The following TRAP1 variants were observed in gnomAD, a reference collection of about 807,000 sequenced individuals.
TRAP1 encodes TNF receptor associated protein 1.
TRAP1 carries 102 observed loss-of-function variants against 89.1 expected under a neutral mutation model. The observed-to-expected ratio is 1.15, with a 90% CI of 0.98 to 1.35. TRAP1 has a LOEUF of 1.35. TRAP1 is among the 40% of genes most tolerant of loss of function. The pLI, the probability that TRAP1 is intolerant of heterozygous loss-of-function variation, is 0.00. For missense variants in TRAP1, 1,256 were observed against 945.3 expected (o/e 1.33, Z -4.31); for synonymous variants, 508 against 388.0 (o/e 1.31, Z -3.64).
chr16:3,671,724 G>A lies in TRAP1; in HGVS notation c.1233C>T (p.Ile411=), dbSNP rs373984996. The A allele has an allele frequency of 2.0e-5, 32 of 1,612,642 alleles. No individual in the cohort carries two copies. Among genetic ancestry groups the A allele is most frequent in the Non-Finnish European group, 2.6e-5 (31 of 1,180,020 alleles). The change falls in exon 11 of 18, where the codon ATC becomes ATT. Residue 411 remains isoleucine (I), a splice_region_variant and synonymous_variant. Coordinates refer to ENST00000246957, the MANE Select transcript of TRAP1 (RefSeq NM_016292.3). The stretch of plus-strand genomic sequence containing the variant: ...TCTCCCCGCGGCCCGAGGCTCACCT[G>A]ATGAGTGCGCTCTCCTGCAGCAGCT... The part of the protein sequence containing the change: ...SRELLQESAL[I]RKLRDVLQQR...
intron 4 of TRAP1, among the ~76,000 whole-genome samples, chr16:3,683,150 CAA>C (rs1393867253): frequency 6.6e-6 from 1 of 150,834 alleles, no homozygotes; most frequent in Non-Finnish European, 1.5e-5. Flanking sequence ...GCGTGGGCAA[CAA>C]GAGCAAAACC....
At chr16:3,714,182 G>C (rs1433530129) in intron 1 of TRAP1, among the ~76,000 whole-genome samples, 1 of 152,094 alleles carries the variant, frequency 6.6e-6, no homozygotes, top group Non-Finnish European at 1.5e-5. Flanking sequence ...CTAATGTGCT[G>C]TCCAGGCCAC....
intron 16 of TRAP1, 119 bp downstream of exon 16, chr16:3,661,868 C>T: frequency 7.6e-7 from 1 of 1,310,210 alleles, no homozygotes; most frequent in Non-Finnish European, 1.0e-6. Flanking sequence ...CTTATAGTTA[C>T]CCACATGTCC....
At chr16:3,708,141 C>G (rs565952689) in intron 1 of TRAP1, among the ~76,000 whole-genome samples, 2 of 151,428 alleles carry the variant, frequency 1.3e-5, no homozygotes, top group Non-Finnish European at 2.9e-5. Context: ...AGGCCTGCAG[C>G]GAGCCAGGAT....
chr16:3,703,939 C>T (rs568371929), intron 1 of TRAP1, among the ~76,000 whole-genome samples: 3 of 149,294 alleles, frequency 2.0e-5, no homozygotes, highest in South Asian at 2.1e-4. Flanking sequence ...GGAGTGAACG[C>T]GGGAGGCGGA....
chr16:3,660,756 C>G (rs1416944830), intron 16 of TRAP1: 1 of 152,072 alleles, frequency 6.6e-6, no homozygotes, highest in Non-Finnish European at 1.5e-5. Flanking sequence ...TAGACATGTA[C>G]TAAAGAACAA....
intron 12 of TRAP1, 41 bp downstream of exon 12, chr16:3,665,930 C>T (rs751448369): frequency 4.4e-6 from 7 of 1,593,180 alleles, no homozygotes; most frequent in African/African-American, 1.4e-5. Flanking sequence ...GCCCCAGGGA[C>T]AAGGTGGCCC....
In TRAP1 at chr16:3,675,462, C is replaced by CAGCTCCAGGATG. The variant is rs2050977139; in HGVS notation, c.815-77_815-66dup. ...GCTTGTGGAAACGCAAGCTTTGCAG[C>CAGCTCCAGGATG]AGCTCCAGGATGAGCGCCAGCCTGC... On this transcript the variant is annotated intron_variant, in intron 7 of 17. Transcript: ENST00000246957. 3.9e-6 allele frequency: 6 copies of CAGCTCCAGGATG among 1,528,850 alleles called. No homozygotes were observed. In the South Asian group the frequency reaches 6.8e-5, roughly 17 times the overall value. The allele number at this position is 1,528,850 out of a possible 1,614,324, so 94.7% of individuals were successfully genotyped here.
At chr16:3,692,333 C>T (rs982287098) in intron 1 of TRAP1, among the ~76,000 whole-genome samples, 3 of 151,930 alleles carry the variant, frequency 2.0e-5, no homozygotes, top group Non-Finnish European at 4.4e-5. Flanking sequence ...GTCAGGAGTT[C>T]GAGACCAGCC....
chr16:3,713,985 A>G lies in TRAP1; in HGVS notation c.88+3436T>C, dbSNP rs2051565049. On this transcript the variant is annotated intron_variant, in intron 1 of 17. Coordinates refer to ENST00000246957, the MANE Select transcript of TRAP1 (RefSeq NM_016292.3). ...ACAACTGCTAGCCTCATTCACCATCACTCCTGCACACTCCCGCAAGTCTTT... is the reference window on the plus strand; with the variant it reads ...ACAACTGCTAGCCTCATTCACCATCGCTCCTGCACACTCCCGCAAGTCTTT... 2.0e-5 allele frequency among the ~76,000 whole-genome samples: 3 copies of G among 151,426 alleles called. No individual in the cohort carries two copies. The South Asian group carries it at 6.2e-4, about 31-fold the overall frequency.
chr16:3,676,182 T>C (rs200481794), intron 6 of TRAP1, 37 bp from the exon 7 acceptor site: 6 of 1,586,880 alleles, frequency 3.8e-6, no homozygotes, highest in Non-Finnish European at 5.2e-6. Context: ...CAGGTGGATG[T>C]GACACTGGGA....
chr16:3,707,759 C>T (rs2051469298), intron 1 of TRAP1, among the ~76,000 whole-genome samples: 1 of 150,198 alleles, frequency 6.7e-6, no homozygotes, highest in Non-Finnish European at 1.5e-5. Context: ...GAGGCTGAGG[C>T]AGGAGACTTG....
intron 9 of TRAP1, among the ~76,000 whole-genome samples, chr16:3,673,377 A>T (rs2050941861): frequency 6.6e-6 from 1 of 152,180 alleles, no homozygotes; most frequent in Non-Finnish European, 1.5e-5. Flanking sequence ...ACCGGGCCCG[A>T]AACGCTGGGA....
At chr16:3,699,453 A>G (rs1489279894) in intron 1 of TRAP1, among the ~76,000 whole-genome samples, 1 of 149,172 alleles carries the variant, frequency 6.7e-6, no homozygotes, top group African/African-American at 2.5e-5. Flanking sequence ...CGTGACCAAC[A>G]GGGTGAAACC....
intron 1 of TRAP1, among the ~76,000 whole-genome samples, chr16:3,696,753 G>A (rs1046503625): frequency 4.7e-5 from 7 of 150,508 alleles, no homozygotes; most frequent in African/African-American, 1.5e-4. Context: ...TTTTGACTGG[G>A]TCTCACTCTG....
At chr16:3,705,124 G>C (rs1397940913) in intron 1 of TRAP1, among the ~76,000 whole-genome samples, 3 of 152,036 alleles carry the variant, frequency 2.0e-5, no homozygotes, top group African/African-American at 7.2e-5. Context: ...GAGTGCAGTG[G>C]AGCCATCTGG....
At chr16:3,682,702 A>AT (rs1049961511) in intron 4 of TRAP1, among the ~76,000 whole-genome samples, 10 of 151,998 alleles carry the variant, frequency 6.6e-5, no homozygotes, top group Admixed American at 2.6e-4. Flanking sequence ...AAAAAAAATA[A>AT]TTTTTTTAAA....
chr16:3,717,412 C>A lies in TRAP1; in HGVS notation c.88+9G>T. On this transcript the variant is annotated intron_variant, in intron 1 of 17. Coordinates refer to ENST00000246957, the MANE Select transcript of TRAP1 (RefSeq NM_016292.3). ...CCGCCCGCTGCCCGTCCAGCCAGGACGCCCTCACCTCCCGGCACGGCCGCC... is the reference window on the plus strand; with the variant it reads ...CCGCCCGCTGCCCGTCCAGCCAGGAAGCCCTCACCTCCCGGCACGGCCGCC... 8.8e-7 allele frequency: 1 copy of A among 1,133,846 alleles called. No homozygotes were observed. The allele number at this position is 1,133,846 out of a possible 1,614,324, so 70.2% of individuals were successfully genotyped here.
At chr16:3,683,481 G>A (rs1211994519) in intron 4 of TRAP1, among the ~76,000 whole-genome samples, 27 of 151,538 alleles carry the variant, frequency 1.8e-4, no homozygotes, top group Non-Finnish European at 3.1e-4. Context: ...CGCCTCCCGG[G>A]TTCAAGCAAT....
Sources: gnomAD v4.1 joint callset for allele counts (sites outside exome capture counted in the v4.1 genomes callset) on GRCh38, gnomAD v4.1.1 for gene constraint, MANE v1.5 for transcripts, NCBI Gene and HGNC (gene_info 2026-07-23, HGNC 2026-07-21) for gene names.